URI1: variants seen among roughly 807,000 people sequenced by gnomAD.
The protein encoded by URI1 is URI1 prefoldin like chaperone.
Under a neutral mutation model 60.2 loss-of-function variants are expected in URI1, and 39 were observed. The observed-to-expected ratio is 0.65, with a 90% CI of 0.50 to 0.85. The LOEUF (loss-of-function observed/expected upper bound fraction) is 0.85, where lower values mean the gene tolerates loss of function less well. Among genes scored for constraint, URI1 ranks in the 40% least tolerant of loss-of-function variants. URI1 has a pLI of 0.00. For synonymous variants in URI1, 251 were observed against 236.8 expected, an observed-to-expected ratio of 1.06 and a Z score of -0.55; for missense variants, 691 against 665.9, an observed-to-expected ratio of 1.04 and a Z score of -0.42.
chr19:29,923,738 C>G, exon 1 of URI1: 1 of 1,536,732 alleles, frequency 6.5e-7, no homozygotes, highest in South Asian at 1.2e-5. Flanking sequence ...TCTAAGAGGG[C>G]TCTGGCATAT....
intron 4 of URI1, among the ~76,000 whole-genome samples, chr19:30,001,619 T>A (rs182714898): frequency 6.6e-6 from 1 of 152,044 alleles, no homozygotes; most frequent in Admixed American, 6.6e-5. Context: ...AGATCTTTGG[T>A]TAAAGTTCAC....
At chr19:30,011,007 T>G (rs1228490161) in intron 8 of URI1, 87 bp from the exon 9 acceptor site, 203 of 1,420,536 alleles carry the variant, frequency 1.4e-4, no homozygotes, top group Non-Finnish European at 1.9e-4. Context: ...CTTACTATTA[T>G]TTTTTTAGTT....
chr19:29,942,764 G>A, intron 1 of URI1, 100 bp downstream of exon 1: 1 of 1,207,430 alleles, frequency 8.3e-7, no homozygotes, highest in Non-Finnish European at 1.0e-6. Flanking sequence ...AGCTGCCCGG[G>A]CCCCCGGAGG....
At chr19:29,928,075 G>A (rs1277565776) in intron 1 of URI1, among the ~76,000 whole-genome samples, 3 of 152,046 alleles carry the variant, frequency 2.0e-5, no homozygotes, top group East Asian at 3.9e-4. Context: ...TGATCTGGTT[G>A]ACTGCCCTAC....
At chr19:30,000,307 T>C (rs1267896505) in intron 4 of URI1, among the ~76,000 whole-genome samples, 7 of 152,020 alleles carry the variant, frequency 4.6e-5, no homozygotes, top group Non-Finnish European at 1.0e-4. Flanking sequence ...GCTTCTCTCC[T>C]GATCAAAGGA....
rs147621067 is a variant in URI1, at chr19:29,949,943, G to C, written c.117+7279G>C. On this transcript the variant is annotated intron_variant, in intron 1 of 10. Coordinates refer to ENST00000392271, the MANE Select transcript of URI1 (RefSeq NM_003796.3). ...GACTGTGGGGAGACGGGAGGGGGAGGGGGAGGGAGAGGTTACTTATTTTTT... is the reference window on the plus strand; with the variant it reads ...GACTGTGGGGAGACGGGAGGGGGAGCGGGAGGGAGAGGTTACTTATTTTTT... Among the ~76,000 whole-genome samples the C allele has an allele frequency of 5.9e-5, 9 of 151,370 alleles. No homozygotes were observed. In the East Asian group the frequency reaches 1.8e-3, roughly 30 times the overall value.
intron 4 of URI1, among the ~76,000 whole-genome samples, chr19:29,990,466 C>T (rs1044197038): frequency 3.3e-5 from 5 of 152,298 alleles, no homozygotes; most frequent in African/African-American, 1.2e-4. Context: ...AGCAGCACTG[C>T]TTATAGTAGC....
intron 2 of URI1, among the ~76,000 whole-genome samples, chr19:29,971,863 G>T (rs2145328474): frequency 6.6e-6 from 1 of 152,064 alleles, no homozygotes; most frequent in Middle Eastern, 3.4e-3. Flanking sequence ...TGATCTTACA[G>T]ATATCAAATT....
At chr19:30,011,428 A>ATT (rs113291705) in intron 9 of URI1, among the ~76,000 whole-genome samples, 192 bp downstream of exon 9, 2 of 141,660 alleles carry the variant, frequency 1.4e-5, no homozygotes, top group African/African-American at 5.2e-5. Flanking sequence ...GGAATGGAGG[A>ATT]TTTTTTTTTT....
intron 1 of URI1, among the ~76,000 whole-genome samples, chr19:29,933,443 C>T (rs2054939991): frequency 6.6e-6 from 1 of 152,188 alleles, no homozygotes; most frequent in Non-Finnish European, 1.5e-5. Context: ...TTCTGCAAAA[C>T]AGTACTGTCT....
Position 29,976,484 on chromosome 19 carries a change from A to T in URI1, c.152+5257A>T, listed in dbSNP as rs145962013. On this transcript the variant is annotated intron_variant, in intron 2 of 10. Transcript: ENST00000392271. Reference sequence around the variant, plus strand: ...TTCTATGGGCATCTCAGCAGCAAGAATGGAAGCTGCAAGGCCACGTTATGT... The same window carrying T: ...TTCTATGGGCATCTCAGCAGCAAGATTGGAAGCTGCAAGGCCACGTTATGT... 5.3e-4 allele frequency among the ~76,000 whole-genome samples: 80 copies of T among 152,344 alleles called. 2 individuals are homozygous for T. In the East Asian group the frequency reaches 0.014, roughly 26 times the overall value.
rs2056037469 is a variant in URI1 at position 30,012,640 on chromosome 19, T to G, written c.1425+109T>G. 5 of 1,339,984 alleles carry G rather than the reference T, an allele frequency of 3.7e-6. No individual in the cohort carries two copies. In the Admixed American group the frequency reaches 1.3e-4, roughly 35 times the overall value. The allele number at this position is 1,339,984 out of a possible 1,614,324, so 83.0% of individuals were successfully genotyped here. A position where few individuals can be genotyped will look rare whatever the true frequency, so the allele number is the denominator to read the frequency against. On this transcript the variant is annotated intron_variant, in intron 10 of 10. Transcript: ENST00000392271. ...TAAATTAATTCTAGGTTTTATACTT[T>G]CTTGGTACTAATTAATAAAAAATTA...
chr19:29,997,060 C>T (rs2055821667), intron 4 of URI1, among the ~76,000 whole-genome samples: 1 of 152,044 alleles, frequency 6.6e-6, no homozygotes, highest in African/African-American at 2.4e-5. Context: ...AGAAATTAGC[C>T]TGTAGTTTTC....
intron 6 of URI1, among the ~76,000 whole-genome samples, chr19:30,007,074 A>C (rs1381252115): frequency 6.6e-6 from 1 of 152,044 alleles, no homozygotes; most frequent in East Asian, 1.9e-4. Flanking sequence ...GTAAATGGAA[A>C]TTTATCATTT....
chr19:29,954,998 T>C (rs2055226466), intron 1 of URI1, among the ~76,000 whole-genome samples: 1 of 152,032 alleles, frequency 6.6e-6, no homozygotes, highest in African/African-American at 2.4e-5. Flanking sequence ...GAGATATTCC[T>C]CATCATTTTT....
In URI1 at chr19:30,012,314, A is replaced by C; in HGVS notation, c.1208A>C (p.Tyr403Ser). ...TTTGTTGATGTTGTGAATGGAGAAT[A>C]TGTCCCTCGCAAATCCATCCTGAAG... ...RAFVDVVNGE[Y>S]VPRKSILKSR... The change falls in exon 10 of 11, where the codon TAT becomes TCT. Residue 403 changes from tyrosine (Y) to serine (S), a missense_variant. Transcript: ENST00000392271. The C allele has an allele frequency of 6.2e-7, 1 of 1,614,080 alleles. No homozygotes were observed. The highest frequency in any genetic ancestry group is 8.5e-7 in the Non-Finnish European group (1 of 1,179,936).
In URI1 at chr19:29,962,033, T is replaced by C. The variant is rs138382255; in HGVS notation, c.118-9160T>C. Among the ~76,000 whole-genome samples the C allele has an allele frequency of 5.5e-3, 839 of 152,300 alleles. 9 individuals carry two copies. Among genetic ancestry groups the C allele is most frequent in the African/African-American group, 0.02 (811 of 41,562 alleles). On this transcript the variant is annotated intron_variant, in intron 1 of 10. Coordinates refer to ENST00000392271, the MANE Select transcript of URI1 (RefSeq NM_003796.3). ...TCAGAGGTGGAATTTCTGGATCATA[T>C]GGTAATTCTGTGTTTAATTTTTAAG...
At chr19:29,965,682 T>TA (rs2055383718) in intron 1 of URI1, among the ~76,000 whole-genome samples, 2 of 152,192 alleles carry the variant, frequency 1.3e-5, no homozygotes, top group Admixed American at 6.5e-5. Flanking sequence ...CATGTAAACG[T>TA]CTTCATTCTT....
intron 1 of URI1, among the ~76,000 whole-genome samples, chr19:29,966,700 T>G (rs1228618467): frequency 6.6e-6 from 1 of 152,242 alleles, no homozygotes; most frequent in Non-Finnish European, 1.5e-5. Flanking sequence ...GTATGTCCAG[T>G]ATCCATTGGC....
Sources: allele counts gnomAD v4.1 joint callset (sites outside exome capture counted in the v4.1 genomes callset), GRCh38; gene constraint gnomAD v4.1.1; transcripts MANE v1.5; gene names NCBI Gene and HGNC (gene_info 2026-07-23, HGNC 2026-07-21).